The following SLC24A3 variants were observed in gnomAD, a reference collection of about 807,000 sequenced individuals.
SLC24A3 encodes solute carrier family 24 member 3, also known as sodium/potassium/calcium exchanger 3.
SLC24A3 carries 28 observed loss-of-function variants against 75.8 expected under a neutral mutation model. The ratio of observed to expected loss-of-function variants is 0.37; its 90% CI spans 0.27 to 0.51. The LOEUF (loss-of-function observed/expected upper bound fraction) is 0.51. Ranked by LOEUF, SLC24A3 falls within the 20% of genes least tolerant of loss-of-function variation. The pLI, the probability that SLC24A3 is intolerant of heterozygous loss-of-function variation, is 0.94. For synonymous variants in SLC24A3, 372 were observed against 334.1 expected (o/e 1.11, Z -1.24); for missense variants, 663 against 847.8 (o/e 0.78, Z 2.71).
intron 2 of SLC24A3, among the ~76,000 whole-genome samples, chr20:19,384,546 A>C (rs984337679): frequency 1.3e-5 from 2 of 152,230 alleles, no homozygotes; most frequent in Non-Finnish European, 2.9e-5. Flanking sequence ...CATTGTGTAT[A>C]TATACCACCT....
rs371222883 is a variant in SLC24A3 at position 19,556,819 on chromosome 20, A to G, written c.349-23181A>G. ...TAAGAGAGAAAAGAAGTCTAACTAG[A>G]AAACAACACCAGGCAATCATGAGGT... On this transcript the variant is annotated intron_variant, in intron 3 of 16. Coordinates refer to ENST00000328041, the MANE Select transcript of SLC24A3 (RefSeq NM_020689.4). Among the ~76,000 whole-genome samples, 71 of 152,330 alleles carry G rather than the reference A, an allele frequency of 4.7e-4. No individual in the cohort carries two copies. In the Middle Eastern group the frequency reaches 0.01, roughly 22 times the overall value.
At chr20:19,478,768 A>G (rs1235440066) in intron 2 of SLC24A3, among the ~76,000 whole-genome samples, 1 of 152,182 alleles carries the variant, frequency 6.6e-6, no homozygotes, top group Non-Finnish European at 1.5e-5. Flanking sequence ...AACTCTGCCC[A>G]TCTCATTCAT....
chr20:19,349,529 A>C (rs998023377), intron 2 of SLC24A3, among the ~76,000 whole-genome samples: 1 of 152,180 alleles, frequency 6.6e-6, no homozygotes, highest in Non-Finnish European at 1.5e-5. Flanking sequence ...TTCCAGGAGA[A>C]TGAAGACCCC....
At chr20:19,436,766 G>T (rs1738012850) in intron 2 of SLC24A3, among the ~76,000 whole-genome samples, 1 of 152,158 alleles carries the variant, frequency 6.6e-6, no homozygotes, top group African/African-American at 2.4e-5. Flanking sequence ...CCAAAGAAGG[G>T]CTCTGATTGG....
At chr20:19,613,835 G>A (rs1283730991) in intron 6 of SLC24A3, among the ~76,000 whole-genome samples, 2 of 152,180 alleles carry the variant, frequency 1.3e-5, no homozygotes, top group East Asian at 3.9e-4. Flanking sequence ...AGCTGTTGAT[G>A]CTCACCCTTG....
At chr20:19,559,750 A>G (rs1006088090) in intron 3 of SLC24A3, among the ~76,000 whole-genome samples, 5 of 152,124 alleles carry the variant, frequency 3.3e-5, no homozygotes, top group African/African-American at 1.2e-4. Flanking sequence ...TGTAATAATT[A>G]TGAGAAATTT....
intron 13 of SLC24A3, chr20:19,696,519 T>G (rs2032807730): frequency 5.8e-6 from 2 of 346,336 alleles, no homozygotes. Context: ...AATTCTATTT[T>G]CTCTTCTCAA....
intron 2 of SLC24A3, among the ~76,000 whole-genome samples, chr20:19,412,160 T>C (rs1986753635): frequency 6.6e-6 from 1 of 152,202 alleles, no homozygotes; most frequent in African/African-American, 2.4e-5. Context: ...CAAATTTATC[T>C]CTCACTATTT....
chr20:19,243,017 A>G (rs1453175149), intron 1 of SLC24A3, among the ~76,000 whole-genome samples: 2 of 152,266 alleles, frequency 1.3e-5, no homozygotes, highest in Non-Finnish European at 2.9e-5. Context: ...ACTTGTTCAG[A>G]AAGTGTCTGT....
chr20:19,659,460 C>T (rs1217667067), intron 7 of SLC24A3, among the ~76,000 whole-genome samples: 1 of 152,236 alleles, frequency 6.6e-6, no homozygotes, highest in Admixed American at 6.5e-5. Context: ...TCACACGTGG[C>T]TACTGACAGG....
intron 6 of SLC24A3, among the ~76,000 whole-genome samples, chr20:19,596,861 G>T (rs2031458886): frequency 6.6e-6 from 1 of 152,200 alleles, no homozygotes; most frequent in Non-Finnish European, 1.5e-5. Context: ...ATTTGCTACG[G>T]TGTGGATTGA....
In SLC24A3 at chr20:19,722,151, C is replaced by G. The variant is rs1406578367; in HGVS notation, c.*1011C>G. 2 of 152,716 alleles carry G rather than the reference C, an allele frequency of 1.3e-5. No individual in the cohort carries two copies. The highest frequency in any genetic ancestry group is 4.8e-5 in the African/African-American group (2 of 41,462). The allele number at this position is 152,716 out of a possible 1,614,324, so 9.5% of individuals were successfully genotyped here. A position where few individuals can be genotyped will look rare whatever the true frequency, so the allele number is the denominator to read the frequency against. ...GTGACAGGGAGTGACCCAGAGGCCA[C>G]CACTGCTTTTCATGCAGGAGTTACA... On this transcript the variant is annotated 3_prime_UTR_variant, in exon 17 of 17. Transcript: ENST00000328041.
intron 2 of SLC24A3, among the ~76,000 whole-genome samples, chr20:19,479,579 G>C (rs926483718): frequency 2.6e-5 from 4 of 152,240 alleles, no homozygotes; most frequent in African/African-American, 7.2e-5. Flanking sequence ...GAGTGGGGAA[G>C]AGAGACAAGA....
chr20:19,648,874 A>T (rs1476677913), intron 6 of SLC24A3, among the ~76,000 whole-genome samples: 1 of 152,240 alleles, frequency 6.6e-6, no homozygotes, highest in Non-Finnish European at 1.5e-5. Context: ...TATCAAGATG[A>T]AATTCCAGCT....
At chr20:19,579,568 G>A (rs1213324795) in intron 3 of SLC24A3, among the ~76,000 whole-genome samples, 1 of 152,192 alleles carries the variant, frequency 6.6e-6, no homozygotes, top group African/African-American at 2.4e-5. Flanking sequence ...ACAGACAATA[G>A]ATGAATTAAT....
chr20:19,261,129 G>C (rs978530956), intron 1 of SLC24A3, among the ~76,000 whole-genome samples: 2 of 152,128 alleles, frequency 1.3e-5, no homozygotes, highest in Non-Finnish European at 2.9e-5. Context: ...GAACCTCTCT[G>C]AGGCAAGGAA....
chr20:19,717,503 G>T (rs1258306599), intron 15 of SLC24A3, 25 bp from the exon 16 acceptor site: 2 of 1,613,138 alleles, frequency 1.2e-6, no homozygotes, highest in Non-Finnish European at 1.7e-6. Flanking sequence ...CTTGTCAGAA[G>T]CCTAACTCTA....
chr20:19,477,030 C>T (rs6112405), intron 2 of SLC24A3, among the ~76,000 whole-genome samples: 8,787 of 151,986 alleles, frequency 0.058, 521 homozygotes, highest in African/African-American at 0.15. Context: ...AAATGCAAGA[C>T]GAGGACTGGT....
At position 19,212,983 on chromosome 20, in the gene SLC24A3, G is replaced by A; in HGVS notation, c.141G>A (p.Lys47=). Residue 47 remains lysine (K), a splice_region_variant and synonymous_variant, in exon 1 of 17, where the codon AAG becomes AAA. Coordinates refer to ENST00000328041, the MANE Select transcript of SLC24A3 (RefSeq NM_020689.4). ...LWSLSSLREQ[K]ELDLMDLVGE... ...CGCTGTCGAGCCTGCGAGAGCAGAAGGGTGAGTGCACGCTGCCTGCCCCGA... is the reference window on the plus strand; with the variant it reads ...CGCTGTCGAGCCTGCGAGAGCAGAAAGGTGAGTGCACGCTGCCTGCCCCGA... 2 of 1,284,650 alleles carry A rather than the reference G, an allele frequency of 1.6e-6. No homozygotes were observed. Among genetic ancestry groups the A allele is most frequent in the Non-Finnish European group, 2.0e-6 (2 of 1,013,948 alleles). 79.6% of individuals were successfully genotyped at this position (1,284,650 alleles called of 1,614,324 possible).
Sources: allele counts gnomAD v4.1 joint callset (sites outside exome capture counted in the v4.1 genomes callset), GRCh38; gene constraint gnomAD v4.1.1; transcripts MANE v1.5; gene names NCBI Gene and HGNC (gene_info 2026-07-23, HGNC 2026-07-21).